The following MID2 variants were observed in gnomAD, a reference collection of about 807,000 sequenced individuals.
MID2 encodes midline 2.
Under a neutral mutation model 46.1 loss-of-function variants are expected in MID2, and 13 were observed. The ratio of observed to expected loss-of-function variants is 0.28; its 90% CI spans 0.18 to 0.45. The LOEUF (loss-of-function observed/expected upper bound fraction) is 0.45. MID2 is among the 20% of genes least tolerant of loss of function. The pLI, the probability that MID2 is intolerant of heterozygous loss-of-function variation, is 1.00. For synonymous variants in MID2, 199 were observed against 212.3 expected (o/e 0.94, Z 0.55); for missense variants, 431 against 575.4 (o/e 0.75, Z 2.57).
intron 3 of MID2, among the ~76,000 whole-genome samples, chrX:107,884,750 T>G (rs1248237683): frequency 8.9e-6 from 1 of 112,468 alleles, no homozygotes; most frequent in Non-Finnish European, 1.9e-5. Flanking sequence ...GTCTTGGCCT[T>G]GGAGTTAGGA....
intron 3 of MID2, among the ~76,000 whole-genome samples, chrX:107,861,045 T>C (rs5962902): frequency 0.038 from 4,224 of 110,954 alleles, 213 homozygotes; most frequent in African/African-American, 0.13. Context: ...CCTGGACCCA[T>C]TGTGAGGATG....
At chrX:107,872,821 G>A (rs1275755392) in intron 3 of MID2, among the ~76,000 whole-genome samples, 1 of 111,713 alleles carries the variant, frequency 9.0e-6, no homozygotes, top group Non-Finnish European at 1.9e-5. Context: ...TCAAATCAGA[G>A]GATTTTTGGT....
chrX:107,897,028 A>C (rs1569469020), intron 3 of MID2, among the ~76,000 whole-genome samples: 1 of 111,946 alleles, frequency 8.9e-6, no homozygotes, highest in Non-Finnish European at 1.9e-5. Flanking sequence ...AAACAAGTGA[A>C]AATACATGAA....
chrX:107,830,302 T>C (rs1931062563), intron 1 of MID2, among the ~76,000 whole-genome samples: 1 of 112,213 alleles, frequency 8.9e-6, no homozygotes, highest in Non-Finnish European at 1.9e-5. Flanking sequence ...CTGCTTGGTC[T>C]TGTGTGTGTC....
chrX:107,881,119 T>C (rs1932308372), intron 3 of MID2, among the ~76,000 whole-genome samples: 1 of 112,794 alleles, frequency 8.9e-6, no homozygotes, highest in Admixed American at 9.3e-5. Context: ...AGGGGGCAGA[T>C]TTTCCTTTAC....
chrX:107,827,050 G>A (rs1930971907), intron 1 of MID2, among the ~76,000 whole-genome samples: 1 of 112,883 alleles, frequency 8.9e-6, no homozygotes, highest in Non-Finnish European at 1.9e-5. Context: ...ATGTCCACAG[G>A]ACAGACTGCG....
At chrX:107,864,698 CA>C (rs772641004) in intron 3 of MID2, among the ~76,000 whole-genome samples, 6 of 111,852 alleles carry the variant, frequency 5.4e-5, no homozygotes, top group African/African-American at 1.9e-4. Flanking sequence ...ATATAAATAA[CA>C]AATATAATAC....
At chrX:107,901,997 T>C (rs1268836975) in intron 3 of MID2, among the ~76,000 whole-genome samples, 1 of 111,795 alleles carries the variant, frequency 8.9e-6, no homozygotes, top group Non-Finnish European at 1.9e-5. Context: ...GAAAAGGGTG[T>C]TGTTACACTC....
intron 3 of MID2, among the ~76,000 whole-genome samples, chrX:107,877,897 GA>G (rs1341058827): frequency 1.3e-4 from 14 of 110,457 alleles, no homozygotes; most frequent in Non-Finnish European, 2.3e-4. Context: ...TTAAGTCCAT[GA>G]TGGGTCCTGT....
intron 3 of MID2, among the ~76,000 whole-genome samples, chrX:107,879,123 C>T (rs1040162457): frequency 9.0e-6 from 1 of 111,333 alleles, no homozygotes; most frequent in Non-Finnish European, 1.9e-5. Context: ...GGGGCCATGA[C>T]CCCTGAAGCC....
At chrX:107,866,081 A>G (rs774035569) in intron 3 of MID2, among the ~76,000 whole-genome samples, 49 of 112,202 alleles carry the variant, frequency 4.4e-4, no homozygotes, top group South Asian at 1.1e-3. Flanking sequence ...TCTATAGTGC[A>G]CATATAATGA....
At chrX:107,837,881 A>G (rs1602456660) in intron 1 of MID2, among the ~76,000 whole-genome samples, 1 of 112,493 alleles carries the variant, frequency 8.9e-6, no homozygotes. Flanking sequence ...GAGATGCTCA[A>G]TGAATGCTAG....
chrX:107,928,294 C>G lies in MID2; in HGVS notation c.*1221C>G, dbSNP rs924807933. Among the ~76,000 whole-genome samples, 1 of 111,798 alleles carries G rather than the reference C, an allele frequency of 8.9e-6. No individual in the cohort carries two copies. Among genetic ancestry groups the G allele is most frequent in the African/African-American group, 3.2e-5 (1 of 30,843 alleles). ...GATAAATAATCATTCCTTTTGCAAT[C>G]TTGTTTACAGTATTCATTCTCTTAG... On this transcript the variant is annotated 3_prime_UTR_variant, in exon 10 of 10. Coordinates refer to ENST00000262843, the MANE Select transcript of MID2 (RefSeq NM_012216.4).
intron 3 of MID2, among the ~76,000 whole-genome samples, chrX:107,886,174 G>A (rs1371674337): frequency 7.2e-5 from 8 of 111,888 alleles, no homozygotes. Context: ...TGCTTTTGGT[G>A]TTTTAGACAT....
At chrX:107,848,657 C>T (rs1457732962) in intron 2 of MID2, among the ~76,000 whole-genome samples, 7 of 111,306 alleles carry the variant, frequency 6.3e-5, no homozygotes, top group Non-Finnish European at 1.1e-4. Context: ...CATTCTGGGA[C>T]GTAGCCTGTG....
At chrX:107,885,342 G>T (rs1361043822) in intron 3 of MID2, among the ~76,000 whole-genome samples, 1 of 98,139 alleles carries the variant, frequency 1.0e-5, no homozygotes, top group Non-Finnish European at 2.0e-5. Flanking sequence ...TCACTGTTCA[G>T]TTCCCACCTA....
At chrX:107,926,474 G>T (rs976145234) in intron 9 of MID2, 173 bp downstream of exon 9, 1 of 600,495 alleles carries the variant, frequency 1.7e-6, no homozygotes, top group African/African-American at 2.3e-5. Context: ...AAATATACTG[G>T]GCTAGGAGAT....
intron 3 of MID2, chrX:107,896,371 A>T (rs948941094): frequency 8.9e-6 from 1 of 112,289 alleles, no homozygotes; most frequent in Non-Finnish European, 1.9e-5. Context: ...CTAAAAAAAT[A>T]AAAAATAAAC....
rs772213063 is a variant in MID2, at chrX:107,906,965, C to T, written c.1073+1339C>T. ...AAGGCCTGACTCCTATACTTTCTTCCGACCTACCAGCTATTTCCTGTCTTC... is the reference window on the plus strand; with the variant it reads ...AAGGCCTGACTCCTATACTTTCTTCTGACCTACCAGCTATTTCCTGTCTTC... On this transcript the variant is annotated intron_variant, in intron 5 of 9. Transcript: ENST00000262843. 2.2e-4 allele frequency among the ~76,000 whole-genome samples: 25 copies of T among 112,465 alleles called. No homozygotes were observed. The East Asian group carries it at 4.7e-3, about 21-fold the overall frequency.
Sources: gnomAD v4.1 joint callset for allele counts (sites outside exome capture counted in the v4.1 genomes callset) on GRCh38, gnomAD v4.1.1 for gene constraint, MANE v1.5 for transcripts, NCBI Gene and HGNC (gene_info 2026-07-23, HGNC 2026-07-21) for gene names.